ROBO1: variants seen among roughly 807,000 people sequenced by gnomAD.
The protein encoded by ROBO1 is roundabout guidance receptor 1, also known as roundabout homolog 1.
A neutral mutation model predicts 195.9 loss-of-function variants in ROBO1; 149 were observed. That is an observed-to-expected ratio of 0.76 (90% CI 0.67 to 0.87). ROBO1 has a LOEUF of 0.87. Ranked by LOEUF, ROBO1 falls within the 40% of genes least tolerant of loss-of-function variation. The pLI, the probability that ROBO1 is intolerant of heterozygous loss-of-function variation, is 0.00. For missense variants in ROBO1, 1,933 were observed against 2,068.3 expected (o/e 0.93, Z 1.27); for synonymous variants, 816 against 733.2 (o/e 1.11, Z -1.82).
At position 78,714,359 on chromosome 3, in the gene ROBO1, G is replaced by A. The variant is rs563149177; in HGVS notation, c.1045+38C>T. The A allele has an allele frequency of 1.4e-5, 22 of 1,595,126 alleles. 1 individual carries two copies. In the South Asian group the frequency reaches 2.5e-4, roughly 18 times the overall value. ...CAATTATCAGCACTATATTTTGTATGCTAAAACCACCAAAACAAAGCCTTT... is the reference window on the plus strand; with the variant it reads ...CAATTATCAGCACTATATTTTGTATACTAAAACCACCAAAACAAAGCCTTT... On this transcript the variant is annotated intron_variant, in intron 8 of 30. Coordinates refer to ENST00000464233, the MANE Select transcript of ROBO1 (RefSeq NM_002941.4).
chr3:79,012,708 A>G (rs931025527), intron 3 of ROBO1, among the ~76,000 whole-genome samples: 5 of 152,194 alleles, frequency 3.3e-5, no homozygotes, highest in Non-Finnish European at 7.3e-5. Context: ...TTTTGGCTGA[A>G]GGGAAATGAG....
intron 4 of ROBO1, among the ~76,000 whole-genome samples, chr3:78,771,394 A>G (rs757148363): frequency 1.3e-5 from 2 of 152,150 alleles, no homozygotes; most frequent in African/African-American, 4.8e-5. Context: ...TTTTGGTTCC[A>G]TATGAATTTT....
intron 4 of ROBO1, among the ~76,000 whole-genome samples, chr3:78,837,572 T>C (rs2032849525): frequency 6.6e-6 from 1 of 152,082 alleles, no homozygotes; most frequent in Admixed American, 6.6e-5. Flanking sequence ...ACCCATGCAA[T>C]TAAGTAGGAA....
At chr3:79,400,561 C>A (rs911345785) in intron 2 of ROBO1, among the ~76,000 whole-genome samples, 2 of 151,940 alleles carry the variant, frequency 1.3e-5, no homozygotes, top group Admixed American at 6.6e-5. Flanking sequence ...TTTCTTTTTA[C>A]GTATTGATAA....
At chr3:79,205,284 A>G (rs140208119) in intron 2 of ROBO1, among the ~76,000 whole-genome samples, 571 of 152,214 alleles carry the variant, frequency 3.8e-3, no homozygotes, top group Non-Finnish European at 4.7e-3. Context: ...GTGAGCCACC[A>G]TGTCCGGCCT....
At chr3:78,752,656 A>G (rs2082826819) in intron 4 of ROBO1, among the ~76,000 whole-genome samples, 1 of 152,188 alleles carries the variant, frequency 6.6e-6, no homozygotes, top group African/African-American at 2.4e-5. Flanking sequence ...GGATAAATGT[A>G]CAGAAAGATA....
intron 2 of ROBO1, among the ~76,000 whole-genome samples, chr3:79,228,702 C>A (rs1465442020): frequency 6.6e-6 from 1 of 152,092 alleles, no homozygotes; most frequent in African/African-American, 2.4e-5. Flanking sequence ...TTTACTAATA[C>A]ATACAACTCA....
intron 1 of ROBO1, among the ~76,000 whole-genome samples, chr3:79,634,526 GAAGA>G (rs1441808907): frequency 2.6e-5 from 4 of 152,120 alleles, no homozygotes; most frequent in Admixed American, 2.0e-4. Context: ...ATAATCTGAA[GAAGA>G]AAGGATTGCT....
intron 1 of ROBO1, among the ~76,000 whole-genome samples, chr3:79,592,276 T>G (rs1944020119): frequency 6.6e-6 from 1 of 151,960 alleles, no homozygotes; most frequent in Non-Finnish European, 1.5e-5. Flanking sequence ...ACACTTATTA[T>G]AATTGATTGA....
At chr3:79,348,570 A>C (rs35905665) in intron 2 of ROBO1, among the ~76,000 whole-genome samples, 17,549 of 152,192 alleles carry the variant, frequency 0.12, 1,141 homozygotes, top group Middle Eastern at 0.16. Flanking sequence ...CAAAGAAACA[A>C]ATTCTAATTA....
At chr3:78,613,589 T>C (rs1429877127) in intron 28 of ROBO1, among the ~76,000 whole-genome samples, 1 of 152,178 alleles carries the variant, frequency 6.6e-6, no homozygotes, top group Non-Finnish European at 1.5e-5. Context: ...ATCAGATAGA[T>C]GCCAGTGAGA....
rs117038560 is a variant in ROBO1, at chr3:79,244,743, T to C, written c.89-119204A>G. On this transcript the variant is annotated intron_variant, in intron 2 of 30. Transcript: ENST00000464233. The stretch of plus-strand genomic sequence containing the variant: ...ACATTAAGCTTGGGTTTAAAAATGA[T>C]TCCCTTACTGTATTCTGTATTTGAA... Among the ~76,000 whole-genome samples, 109 of 152,214 alleles carry C rather than the reference T, an allele frequency of 7.2e-4. No homozygotes were observed. In the East Asian group the frequency reaches 0.019, roughly 27 times the overall value.
At chr3:79,231,530 A>C (rs556822252) in intron 2 of ROBO1, among the ~76,000 whole-genome samples, 1 of 152,264 alleles carries the variant, frequency 6.6e-6, no homozygotes, top group South Asian at 2.1e-4. Flanking sequence ...CACACCCGTC[A>C]GAATGGCTAT....
chr3:79,765,293 T>C (rs770927115), intron 1 of ROBO1, among the ~76,000 whole-genome samples: 4 of 152,204 alleles, frequency 2.6e-5, no homozygotes, highest in Non-Finnish European at 4.4e-5. Flanking sequence ...TCCTAATTTT[T>C]ATCCCTCATG....
intron 1 of ROBO1, among the ~76,000 whole-genome samples, chr3:79,611,575 A>G (rs988995611): frequency 2.6e-5 from 4 of 152,166 alleles, no homozygotes; most frequent in Non-Finnish European, 4.4e-5. Context: ...GGATGAGTTC[A>G]TGTCCTTTGC....
chr3:79,174,855 CAA>C (rs796987730), intron 2 of ROBO1, among the ~76,000 whole-genome samples: 24 of 74,384 alleles, frequency 3.2e-4, no homozygotes, highest in African/African-American at 3.4e-4. Context: ...GACTCCGCCT[CAA>C]AAAAAAAAAA....
At chr3:79,278,847 AT>A (rs1226246314) in intron 2 of ROBO1, among the ~76,000 whole-genome samples, 1 of 152,230 alleles carries the variant, frequency 6.6e-6, no homozygotes, top group Non-Finnish European at 1.5e-5. Context: ...ATGAGAGTAT[AT>A]CAAACTGAAA....
chr3:79,682,676 C>CAAACA (rs1946984481), intron 1 of ROBO1, among the ~76,000 whole-genome samples: 1 of 151,914 alleles, frequency 6.6e-6, no homozygotes, highest in Non-Finnish European at 1.5e-5. Flanking sequence ...ACAAAGTAAA[C>CAAACA]AAGATGGTTA....
In ROBO1 at chr3:79,146,029, TAAAG is replaced by T. The variant is rs547634398; in HGVS notation, c.89-20494_89-20491del. Among the ~76,000 whole-genome samples the T allele has an allele frequency of 3.4e-3, 287 of 83,954 alleles. 2 individuals carry two copies. The highest frequency in any genetic ancestry group is 0.013 in the African/African-American group (253 of 19,082). 55.1% of individuals were successfully genotyped at this position (83,954 alleles called of 152,430 possible). On this transcript the variant is annotated intron_variant, in intron 2 of 30. Coordinates refer to ENST00000464233, the MANE Select transcript of ROBO1 (RefSeq NM_002941.4). ...CAAGTGGGTAACTTCATATTAAAGA[TAAAG>T]AAAGCAAAAAAAAAAAGTCTACTTA...
Sources: gnomAD v4.1 joint callset for allele counts (sites outside exome capture counted in the v4.1 genomes callset) on GRCh38, gnomAD v4.1.1 for gene constraint, MANE v1.5 for transcripts, NCBI Gene and HGNC (gene_info 2026-07-23, HGNC 2026-07-21) for gene names.